TCF7L2: variants seen among roughly 807,000 people sequenced by gnomAD.
TCF7L2 encodes the protein transcription factor 7-like 2.
Under a neutral mutation model 77.9 loss-of-function variants are expected in TCF7L2, and 23 were observed. That is an observed-to-expected ratio of 0.30 (90% confidence interval 0.21 to 0.42). The LOEUF (loss-of-function observed/expected upper bound fraction) is 0.42, where lower values mean the gene tolerates loss of function less well. Ranked by LOEUF, TCF7L2 falls within the 10% of genes least tolerant of loss-of-function variation. The pLI, the probability that TCF7L2 is intolerant of heterozygous loss-of-function variation, is 1.00. For synonymous variants in TCF7L2, 413 were observed against 340.2 expected, an observed-to-expected ratio of 1.21 and a Z score of -2.36; for missense variants, 654 against 793.1, an observed-to-expected ratio of 0.82 and a Z score of 2.11.
chr10:113,035,738 A>G (rs754065370), intron 4 of TCF7L2, among the ~76,000 whole-genome samples: 3 of 152,248 alleles, frequency 2.0e-5, no homozygotes, highest in Admixed American at 1.3e-4. Flanking sequence ...CAAGAGAGGA[A>G]TAATATTTTC....
chr10:113,150,979 A>G lies in TCF7L2; in HGVS notation c.876-19A>G, dbSNP rs1381932745. On this transcript the variant is annotated intron_variant, in intron 8 of 13. Coordinates refer to ENST00000627217, the MANE Select transcript of TCF7L2 (RefSeq NM_001146274.2). The stretch of plus-strand genomic sequence containing the variant: ...ATTCATTTTGATTCTGACGATTTAC[A>G]CAGCTTTCTGTCTTCTAGGTTCCCT... The G allele has an allele frequency of 2.5e-6, 4 of 1,613,250 alleles. No homozygotes were observed. In the South Asian group the frequency reaches 4.4e-5, roughly 18 times the overall value.
Position 113,165,901 on chromosome 10 carries a change from T to C in TCF7L2, c.1738T>C (p.Leu580=), listed in dbSNP as rs2137656590. 2 of 1,595,778 alleles carry C rather than the reference T, an allele frequency of 1.3e-6. No homozygotes were observed. The highest frequency in any genetic ancestry group is 1.7e-6 in the Non-Finnish European group (2 of 1,169,808). The change falls in exon 14 of 14, where the codon TTA becomes CTA. Residue 580 remains leucine (L), a synonymous_variant. Transcript: ENST00000627217. ...AATTGCACAGCCGTCGACTTCTTCC[T>C]TACATTCCCACAGCTCCCTGGCCGG...
Position 113,167,354 on chromosome 10 carries a change from A to T in TCF7L2, c.*1382A>T, listed in dbSNP as rs2074083145. 2 of 226,978 alleles carry T rather than the reference A, an allele frequency of 8.8e-6. No individual in the cohort carries two copies. The highest frequency in any genetic ancestry group is 1.3e-4 in the East Asian group (2 of 15,646). 14.1% of individuals were successfully genotyped at this position (226,978 alleles called of 1,614,324 possible). On this transcript the variant is annotated 3_prime_UTR_variant, in exon 14 of 14. Transcript: ENST00000627217. ...GAGTAGGCAGCAGACTTTAAAAATA[A>T]AAAAAACCTAGGCATGTTGATGTTG...
chr10:113,132,332 G>T lies in TCF7L2; in HGVS notation c.553-8852G>T, dbSNP rs114990035. On this transcript the variant is annotated intron_variant, in intron 5 of 13. Transcript: ENST00000627217. ...GCTGAGATTCGAAAGTTAGGCACAG[G>T]GTATACAAGAAAAACAAAAGACCTT... Among the ~76,000 whole-genome samples, 19 of 152,214 alleles carry T rather than the reference G, an allele frequency of 1.2e-4. No individual in the cohort carries two copies. In the South Asian group the frequency reaches 3.9e-3, roughly 32 times the overall value.
At chr10:112,979,232 G>T (rs2040018113) in intron 4 of TCF7L2, among the ~76,000 whole-genome samples, 1 of 152,140 alleles carries the variant, frequency 6.6e-6, no homozygotes, top group Admixed American at 6.5e-5. Flanking sequence ...TCATGGTTGT[G>T]CACTCTTGCC....
chr10:113,137,632 A>G (rs1350094936), intron 5 of TCF7L2, among the ~76,000 whole-genome samples: 1 of 152,232 alleles, frequency 6.6e-6, no homozygotes, highest in East Asian at 1.9e-4. Context: ...ATTGAACTGG[A>G]TGGTCCAGAA....
At chr10:112,996,346 G>A (rs1248705191) in intron 4 of TCF7L2, among the ~76,000 whole-genome samples, 3 of 152,190 alleles carry the variant, frequency 2.0e-5, no homozygotes, top group South Asian at 4.2e-4. Context: ...GGTGATGCCC[G>A]AGGAGAGCCT....
At chr10:112,977,180 T>C (rs1404367567) in intron 4 of TCF7L2, among the ~76,000 whole-genome samples, 1 of 152,098 alleles carries the variant, frequency 6.6e-6, no homozygotes, top group African/African-American at 2.4e-5. Flanking sequence ...ATTTTTGAGG[T>C]TGAGATGAAG....
chr10:113,097,831 C>T (rs189350320), intron 5 of TCF7L2, among the ~76,000 whole-genome samples: 2 of 151,230 alleles, frequency 1.3e-5, no homozygotes, highest in African/African-American at 2.4e-5. Flanking sequence ...GCAGGCGGAT[C>T]GCCTGAGGTC....
At chr10:113,118,523 GTGT>G (rs1564918508) in intron 5 of TCF7L2, among the ~76,000 whole-genome samples, 39 of 91,284 alleles carry the variant, frequency 4.3e-4, no homozygotes, top group Non-Finnish European at 9.0e-4. Context: ...TCTGGGGGGT[GTGT>G]GTGTGTGTGT....
At chr10:113,118,664 G>GTT (rs78459197) in intron 5 of TCF7L2, among the ~76,000 whole-genome samples, 4 of 68,266 alleles carry the variant, frequency 5.9e-5, no homozygotes, top group Non-Finnish European at 9.5e-5. Flanking sequence ...GTTTTTTTTT[G>GTT]TTTTTTTTTT....
intron 5 of TCF7L2, among the ~76,000 whole-genome samples, chr10:113,106,402 C>T (rs560948523): frequency 2.6e-4 from 39 of 152,324 alleles, no homozygotes; most frequent in African/African-American, 7.9e-4. Context: ...TCTTTCCCCT[C>T]GGCCACCTCC....
chr10:112,991,233 A>G (rs1321440111), intron 4 of TCF7L2, among the ~76,000 whole-genome samples: 2 of 152,060 alleles, frequency 1.3e-5, no homozygotes, highest in East Asian at 3.9e-4. Flanking sequence ...GAGTGGTTTG[A>G]AAGTGGGGAA....
intron 4 of TCF7L2, among the ~76,000 whole-genome samples, chr10:113,022,763 C>G (rs1001794333): frequency 2.0e-5 from 3 of 152,172 alleles, no homozygotes; most frequent in Admixed American, 6.5e-5. Flanking sequence ...GATCCTTACA[C>G]GAACTCTGAG....
intron 5 of TCF7L2, among the ~76,000 whole-genome samples, chr10:113,051,142 T>C (rs1365355582): frequency 6.6e-6 from 1 of 151,770 alleles, no homozygotes; most frequent in African/African-American, 2.4e-5. Flanking sequence ...ATGAGTCTTT[T>C]CCACGCAGAG....
At chr10:112,961,038 G>A (rs759771919) in intron 3 of TCF7L2, among the ~76,000 whole-genome samples, 81 of 151,382 alleles carry the variant, frequency 5.4e-4, no homozygotes, top group Middle Eastern at 3.4e-3. Context: ...TTTTGAGACG[G>A]AGTTTTGCTC....
intron 4 of TCF7L2, among the ~76,000 whole-genome samples, chr10:113,006,472 G>A (rs772497293): frequency 2.0e-5 from 3 of 151,994 alleles, no homozygotes; most frequent in African/African-American, 4.8e-5. Flanking sequence ...AATATTTACT[G>A]AGGTATAAAT....
intron 4 of TCF7L2, among the ~76,000 whole-genome samples, chr10:113,004,747 G>A (rs373768492): frequency 2.0e-5 from 3 of 151,480 alleles, no homozygotes; most frequent in Admixed American, 1.3e-4. Context: ...ATCTTGGCTC[G>A]CTGCAACCTC....
At chr10:113,048,143 T>C (rs751090914) in intron 5 of TCF7L2, among the ~76,000 whole-genome samples, 11 of 152,084 alleles carry the variant, frequency 7.2e-5, no homozygotes, top group Non-Finnish European at 1.3e-4. Flanking sequence ...CTTTGGAAGG[T>C]TGTTTTTGTT....
Sources: allele counts gnomAD v4.1 joint callset (sites outside exome capture counted in the v4.1 genomes callset), GRCh38; gene constraint gnomAD v4.1.1; transcripts MANE v1.5; gene names NCBI Gene and HGNC (gene_info 2026-07-23, HGNC 2026-07-21).